Variants in FAM111B observed in about 807,000 individuals in gnomAD.
FAM111B encodes the protein FAM111 trypsin like peptidase B.
A neutral mutation model predicts 2.8 loss-of-function variants in FAM111B; 1 was observed. That is an observed-to-expected ratio of 0.36 (90% CI 0.13 to 1.70). FAM111B has a LOEUF of 1.70. Ranked by LOEUF, FAM111B falls within the 40% of genes most tolerant of loss-of-function variation. The pLI, the probability that FAM111B is intolerant of heterozygous loss-of-function variation, is 0.35. For missense variants in FAM111B, 882 were observed against 878.9 expected, an observed-to-expected ratio of 1.00 and a Z score of -0.04; for synonymous variants, 297 against 295.6, an observed-to-expected ratio of 1.00 and a Z score of -0.05.
In FAM111B at chr11:59,126,126, G is replaced by T; in HGVS notation, c.2029G>T (p.Val677Leu). The change falls in exon 4 of 4, where the codon GTG becomes TTG. Residue 677 changes from valine (V) to leucine (L), a missense_variant. Val to Leu is a conservative substitution (Grantham distance 32, BLOSUM62 1). Coordinates refer to ENST00000343597, the MANE Select transcript of FAM111B (RefSeq NM_198947.4). Reference protein sequence around the residue: ...FGLFYQRGFNVHALIEFGYSM... With the variant: ...FGLFYQRGFNLHALIEFGYSM... Reference sequence around the variant, plus strand: ...GCTTTTTTATCAACGAGGATTTAATGTGCATGCCCTTATTGAATTTGGTTA... The same window carrying T: ...GCTTTTTTATCAACGAGGATTTAATTTGCATGCCCTTATTGAATTTGGTTA... 1 of 1,612,994 alleles carries T rather than the reference G, an allele frequency of 6.2e-7. No homozygotes were observed. The highest frequency in any genetic ancestry group is 8.5e-7 in the Non-Finnish European group (1 of 1,179,638).
intron 3 of FAM111B, among the ~76,000 whole-genome samples, chr11:59,120,361 T>C (rs1001877807): frequency 6.6e-6 from 1 of 152,204 alleles, no homozygotes; most frequent in African/African-American, 2.4e-5. Context: ...ACAATTCATA[T>C]GTTTAAATCC....
rs1377643945 is a variant in FAM111B, at chr11:59,125,580, A to C, written c.1483A>C (p.Met495Leu). 4 of 1,613,808 alleles carry C rather than the reference A, an allele frequency of 2.5e-6. No individual in the cohort carries two copies. In the East Asian group the frequency reaches 8.9e-5, roughly 36 times the overall value. ...IFTCRHVVHL[M>L]VGKNTHPSLW... is the part of the protein sequence containing the mutation. ...CACCTGTCGACATGTTGTACATCTT[A>C]TGGTGGGTAAAAACACACATCCAAG... The change falls in exon 4 of 4, where the codon ATG becomes CTG. Residue 495 changes from methionine to leucine, a missense_variant. Physicochemically the swap from Met to Leu is conservative, Grantham distance 15. Transcript: ENST00000343597.
intron 1 of FAM111B, among the ~76,000 whole-genome samples, chr11:59,107,720 T>C (rs569571777): frequency 2.0e-5 from 3 of 152,270 alleles, no homozygotes; most frequent in South Asian, 2.1e-4. Flanking sequence ...AGCAAGGATT[T>C]CTGGAAAGAG....
intron 3 of FAM111B, among the ~76,000 whole-genome samples, chr11:59,121,800 T>A (rs1859926594): frequency 6.6e-6 from 1 of 152,154 alleles, no homozygotes; most frequent in African/African-American, 2.4e-5. Context: ...CTTCAGTGAA[T>A]TCTAACTGTA....
At chr11:59,111,969 C>T (rs573902732) in intron 3 of FAM111B, among the ~76,000 whole-genome samples, 2 of 152,306 alleles carry the variant, frequency 1.3e-5, no homozygotes, top group South Asian at 2.1e-4. Flanking sequence ...AAGGCTTTAA[C>T]TTTTATTGTT....
chr11:59,123,287 A>C (rs1859951534), intron 3 of FAM111B, among the ~76,000 whole-genome samples: 1 of 152,208 alleles, frequency 6.6e-6, no homozygotes, highest in Non-Finnish European at 1.5e-5. Flanking sequence ...TTCTAAAAAC[A>C]GTCAAATTAG....
intron 1 of FAM111B, among the ~76,000 whole-genome samples, chr11:59,108,171 A>G (rs1484719280): frequency 6.6e-6 from 1 of 152,216 alleles, no homozygotes; most frequent in Non-Finnish European, 1.5e-5. Context: ...TAGAGGAACC[A>G]ATTCACACGA....
rs150852006 is a variant in FAM111B at position 59,124,409 on chromosome 11, C to T, written c.312C>T (p.Ser104=). 4.3e-5 allele frequency: 70 copies of T among 1,613,290 alleles called. No homozygotes were observed. The highest frequency in any genetic ancestry group is 3.3e-4 in the Middle Eastern group (2 of 6,084). The change falls in exon 4 of 4, where the codon AGC becomes AGT. Residue 104 remains serine, a synonymous_variant. Coordinates refer to ENST00000343597, the MANE Select transcript of FAM111B (RefSeq NM_198947.4). ...RSVFTAYGKP[S]ESIYSALSAN... is the part of the protein sequence containing the mutation. Reference sequence around the variant, plus strand: ...TGTTTACAGCATATGGTAAACCCAGCGAGAGTATCTACTCAGCCCTGAGTG... The same window carrying T: ...TGTTTACAGCATATGGTAAACCCAGTGAGAGTATCTACTCAGCCCTGAGTG...
In FAM111B at chr11:59,125,640, G is replaced by A. The variant is rs1860013647; in HGVS notation, c.1543G>A (p.Val515Ile). Reference sequence around the variant, plus strand: ...AGATATAATTAGCAAATGTGCGAAGGTAACCTTCACTTATACAGAGTTCTG... The same window carrying A: ...AGATATAATTAGCAAATGTGCGAAGATAACCTTCACTTATACAGAGTTCTG... Reference protein sequence around the residue: ...WPDIISKCAKVTFTYTEFCPT... With the variant: ...WPDIISKCAKITFTYTEFCPT... The change falls in exon 4 of 4, where the codon GTA becomes ATA. Residue 515 changes from valine (V) to isoleucine (I), a missense_variant. Coordinates refer to ENST00000343597, the MANE Select transcript of FAM111B (RefSeq NM_198947.4). 1 of 1,613,916 alleles carries A rather than the reference G, an allele frequency of 6.2e-7. No homozygotes were observed. Among genetic ancestry groups the A allele is most frequent in the Non-Finnish European group, 8.5e-7 (1 of 1,179,828 alleles).
intron 3 of FAM111B, among the ~76,000 whole-genome samples, chr11:59,111,172 T>C (rs918036280): frequency 1.3e-5 from 2 of 152,168 alleles, no homozygotes; most frequent in Non-Finnish European, 2.9e-5. Context: ...AATGAGTCTA[T>C]CCTGGTTTCC....
At position 59,126,388 on chromosome 11, in the gene FAM111B, AG is replaced by A; in HGVS notation, c.*87del. 1 of 1,180,544 alleles carries A rather than the reference AG, an allele frequency of 8.5e-7. No individual in the cohort carries two copies. The highest frequency in any genetic ancestry group is 2.7e-5 in the Admixed American group (1 of 37,336). 73.1% of individuals were successfully genotyped at this position (1,180,544 alleles called of 1,614,324 possible). On this transcript the variant is annotated 3_prime_UTR_variant, in exon 4 of 4. Coordinates refer to ENST00000343597, the MANE Select transcript of FAM111B (RefSeq NM_198947.4). ...AGACACTTAAAGCAATTGCAACAAAAGTGAAAATTGGCAAATGAGACCTAAT... is the reference window on the plus strand; with the variant it reads ...AGACACTTAAAGCAATTGCAACAAAATGAAAATTGGCAAATGAGACCTAAT...
In FAM111B at chr11:59,125,814, T is replaced by C; in HGVS notation, c.1717T>C (p.Leu573=). Residue 573 remains leucine, a synonymous_variant, in exon 4 of 4, where the codon TTG becomes CTG. Transcript: ENST00000343597. The part of the protein sequence containing the change: ...RQISPQPSTG[L]IYLIGHPEGQ... ...GATTTCTCCTCAACCATCTACTGGT[T>C]TGATTTATTTAATTGGTCATCCTGA... 6.2e-7 allele frequency: 1 copy of C among 1,613,942 alleles called. No individual in the cohort carries two copies. Among genetic ancestry groups the C allele is most frequent in the South Asian group, 1.1e-5 (1 of 91,082 alleles).
chr11:59,125,105 T>A lies in FAM111B; in HGVS notation c.1008T>A (p.Asp336Glu). The A allele has an allele frequency of 6.2e-7, 1 of 1,613,838 alleles. No individual in the cohort carries two copies. The highest frequency in any genetic ancestry group is 2.2e-5 in the East Asian group (1 of 44,874). ...PPQDLSHYIK[D>E]KTRQTIPRIR... ...AGGATCTAAGCCATTATATTAAAGATAAAACTCGCCAGACAATTCCCAGGA... is the reference window on the plus strand; with the variant it reads ...AGGATCTAAGCCATTATATTAAAGAAAAAACTCGCCAGACAATTCCCAGGA... Residue 336 changes from aspartate (D) to glutamate (E), a missense_variant, in exon 4 of 4, where the codon GAT becomes GAA. Asp to Glu is a conservative substitution (Grantham distance 45). Coordinates refer to ENST00000343597, the MANE Select transcript of FAM111B (RefSeq NM_198947.4).
At chr11:59,115,930 C>G (rs1489055798) in intron 3 of FAM111B, among the ~76,000 whole-genome samples, 1 of 152,114 alleles carries the variant, frequency 6.6e-6, no homozygotes, top group African/African-American at 2.4e-5. Context: ...TGGTAGTCAG[C>G]GGGTGTGGAA....
intron 3 of FAM111B, among the ~76,000 whole-genome samples, chr11:59,119,647 T>C (rs1423310547): frequency 6.6e-6 from 1 of 152,174 alleles, no homozygotes; most frequent in East Asian, 1.9e-4. Flanking sequence ...AATACATAAA[T>C]ATAAACATAC....
At chr11:59,107,890 C>G (rs1427282399) in intron 1 of FAM111B, among the ~76,000 whole-genome samples, 3 of 152,138 alleles carry the variant, frequency 2.0e-5, no homozygotes, top group African/African-American at 7.2e-5. Context: ...AGTTCGTTTC[C>G]CATCTTGTAG....
intron 3 of FAM111B, among the ~76,000 whole-genome samples, chr11:59,120,223 T>G (rs1207155600): frequency 6.6e-6 from 1 of 152,136 alleles, no homozygotes; most frequent in East Asian, 1.9e-4. Context: ...TAAGACAATA[T>G]TTCATGAATA....
chr11:59,124,903 C>CAA lies in FAM111B; in HGVS notation c.815_816dup (p.Ala273LysfsTer27). Reference sequence around the variant, plus strand: ...GGAAAAGTCTTAGAAATGGACATTTCAAAAAAAAAAGCATTACAACAGAAA... The same window carrying CAA: ...GGAAAAGTCTTAGAAATGGACATTTCAAAAAAAAAAAAGCATTACAACAGAAA... On this transcript the variant is annotated frameshift_variant, in exon 4 of 4. Transcript: ENST00000343597. LOFTEE classifies it low-confidence loss of function (END_TRUNC). 4.2e-6 allele frequency: 6 copies of CAA among 1,428,896 alleles called. No individual in the cohort carries two copies. Among genetic ancestry groups the CAA allele is most frequent in the South Asian group, 2.7e-5 (2 of 74,974 alleles). 88.5% of individuals were successfully genotyped at this position (1,428,896 alleles called of 1,614,324 possible).
At position 59,117,597 on chromosome 11, in the gene FAM111B, A is replaced by G. The variant is rs906918565; in HGVS notation, c.82-6582A>G. Among the ~76,000 whole-genome samples the G allele has an allele frequency of 3.7e-4, 56 of 152,312 alleles. 1 individual carries two copies. The highest frequency in any genetic ancestry group is 1.2e-3 in the African/African-American group (51 of 41,560). ...AGCCCAAGGTCACACAGTGGGTGGT[A>G]CATGTAGCAGAGCCTGGATGTGTGC... On this transcript the variant is annotated intron_variant, in intron 3 of 3. Transcript: ENST00000343597.
Sources: allele counts gnomAD v4.1 joint callset (sites outside exome capture counted in the v4.1 genomes callset), GRCh38; gene constraint gnomAD v4.1.1; transcripts MANE v1.5; gene names NCBI Gene and HGNC (gene_info 2026-07-23, HGNC 2026-07-21).